The following ZNF469 variants were observed in gnomAD, a reference collection of about 807,000 sequenced individuals.
The protein encoded by ZNF469 is zinc finger protein 469.
A neutral mutation model predicts 1.0 loss-of-function variants in ZNF469; 1 was observed. The ratio of observed to expected loss-of-function variants is 1.00; its 90% CI spans 0.35 to 4.73. The LOEUF is 4.73. ZNF469 is among the 30% of genes most tolerant of loss of function. The pLI is 0.16. For missense variants in ZNF469, 6,100 were observed against 5,356.3 expected, an observed-to-expected ratio of 1.14 and a Z score of -4.33; for synonymous variants, 2,703 against 2,363.4, an observed-to-expected ratio of 1.14 and a Z score of -4.17.
the ZNF469 span, among the ~76,000 whole-genome samples, chr16:88,242,089 C>A: frequency 6.3e-3 from 962 of 152,302 alleles, 11 homozygotes; most frequent in African/African-American, 0.021. Flanking sequence ...CAACCCTGGA[C>A]GTCGCAGACA....
chr16:88,209,248 G>A, the ZNF469 span, among the ~76,000 whole-genome samples: 12 of 151,794 alleles, frequency 7.9e-5, no homozygotes, highest in South Asian at 6.3e-4. Flanking sequence ...CCGTCTCATC[G>A]GTCTCTGGGT....
chr16:88,105,462 G>A, the ZNF469 span, among the ~76,000 whole-genome samples: 1 of 152,014 alleles, frequency 6.6e-6, no homozygotes, highest in Admixed American at 6.5e-5. Flanking sequence ...CTGTGACCAC[G>A]CCCAGCTAAT....
the ZNF469 span, among the ~76,000 whole-genome samples, chr16:88,352,686 TAGC>T: frequency 1.3e-5 from 2 of 152,232 alleles, no homozygotes; most frequent in Non-Finnish European, 2.9e-5. Context: ...CCCTGGCTGG[TAGC>T]AGCCGTGGGG....
In ZNF469 at chr16:88,430,362, A is replaced by G. The variant is rs1179000611; in HGVS notation, c.2892A>G (p.Ala964=). The change falls in exon 3 of 3, where the codon GCA becomes GCG. Residue 964 remains alanine (A), a synonymous_variant. Coordinates refer to ENST00000565624, the MANE Select transcript of ZNF469 (RefSeq NM_001367624.2). ...FRKDLDSGGA[A]EGSGSGGGGR... Reference sequence around the variant, plus strand: ...AGGATCTGGACTCGGGCGGCGCAGCAGAGGGGTCGGGGTCGGGCGGCGGCG... The same window carrying G: ...AGGATCTGGACTCGGGCGGCGCAGCGGAGGGGTCGGGGTCGGGCGGCGGCG... 1 of 1,513,158 alleles carries G rather than the reference A, an allele frequency of 6.6e-7. No homozygotes were observed. The highest frequency in any genetic ancestry group is 1.4e-5 in the African/African-American group (1 of 72,308). 93.7% of individuals were successfully genotyped at this position (1,513,158 alleles called of 1,614,324 possible).
the ZNF469 span, among the ~76,000 whole-genome samples, chr16:88,346,369 T>C: frequency 2.6e-5 from 4 of 152,224 alleles, no homozygotes; most frequent in African/African-American, 7.2e-5. Context: ...CCCCGGCTCC[T>C]GGCAGAACTC....
the ZNF469 span, among the ~76,000 whole-genome samples, chr16:88,331,558 C>T: frequency 6.6e-6 from 1 of 151,504 alleles, no homozygotes. Flanking sequence ...CCACCATCGT[C>T]ATCACCATCA....
the ZNF469 span, among the ~76,000 whole-genome samples, chr16:88,292,805 A>AG: frequency 1.3e-4 from 19 of 151,524 alleles, no homozygotes; most frequent in African/African-American, 3.9e-4. Context: ...TATCAAAAAA[A>AG]AAAAAAAAAA....
chr16:88,429,586 C>A lies in ZNF469; in HGVS notation c.2116C>A (p.Pro706Thr). Residue 706 changes from proline (P) to threonine (T), a missense_variant, in exon 3 of 3, where the codon CCC (proline) becomes ACC (threonine). Physicochemically the swap from Pro to Thr is conservative, Grantham distance 38. Coordinates refer to ENST00000565624, the MANE Select transcript of ZNF469 (RefSeq NM_001367624.2). Reference protein sequence around the residue: ...EVGRGGLQGFPRAPPPYPTHH... With the variant: ...EVGRGGLQGFTRAPPPYPTHH... ...GGGTCGGGGAGGGCTGCAGGGCTTC[C>A]CCCGTGCGCCGCCTCCGTACCCCAC... 1 of 1,549,744 alleles carries A rather than the reference C, an allele frequency of 6.5e-7. No homozygotes were observed. Among genetic ancestry groups the A allele is most frequent in the African/African-American group, 1.4e-5 (1 of 73,162 alleles).
chr16:88,262,321 G>T, the ZNF469 span, among the ~76,000 whole-genome samples: 1 of 152,208 alleles, frequency 6.6e-6, no homozygotes, highest in Non-Finnish European at 1.5e-5. The surrounding 1 kb of genome is among the most constrained non-coding windows in gnomAD (Gnocchi z 4.3). Context: ...GAGCGAGAAG[G>T]CAGCCTGGCT....
At chr16:88,376,970 C>T in the ZNF469 span, among the ~76,000 whole-genome samples, 7 of 152,214 alleles carry the variant, frequency 4.6e-5, no homozygotes, top group East Asian at 1.9e-4. Flanking sequence ...CGGCTCTGCC[C>T]GCTCATGCCG....
At chr16:88,305,338 C>G in the ZNF469 span, among the ~76,000 whole-genome samples, 1 of 126,388 alleles carries the variant, frequency 7.9e-6, no homozygotes, top group Admixed American at 8.4e-5. Flanking sequence ...ACACGCACAC[C>G]CTCACACACA....
the ZNF469 span, among the ~76,000 whole-genome samples, chr16:88,317,017 G>A: frequency 6.6e-6 from 1 of 152,186 alleles, no homozygotes; most frequent in Non-Finnish European, 1.5e-5. Flanking sequence ...GCTGGAAGGG[G>A]CAATGCTCCA....
the ZNF469 span, among the ~76,000 whole-genome samples, chr16:88,324,449 T>A: frequency 6.6e-6 from 1 of 152,204 alleles, no homozygotes; most frequent in Non-Finnish European, 1.5e-5. Flanking sequence ...CAGGCCTCAG[T>A]GCTGTCCTCT....
chr16:88,344,287 CTTCAG>C, the ZNF469 span, among the ~76,000 whole-genome samples: 5 of 152,114 alleles, frequency 3.3e-5, no homozygotes, highest in Non-Finnish European at 5.9e-5. Context: ...AAAGCGTGGA[CTTCAG>C]TTCATACCAA....
the ZNF469 span, among the ~76,000 whole-genome samples, chr16:88,315,087 G>A: frequency 1.3e-5 from 2 of 152,240 alleles, no homozygotes; most frequent in African/African-American, 4.8e-5. Context: ...ATCTGACCTG[G>A]AGTTTTGAAT....
chr16:88,439,054 C>T lies in ZNF469; in HGVS notation c.11584C>T (p.Pro3862Ser), dbSNP rs1252975989. The T allele has an allele frequency of 1.9e-6, 3 of 1,550,584 alleles. No homozygotes were observed. The highest frequency in any genetic ancestry group is 8.7e-7 in the Non-Finnish European group (1 of 1,146,968). Reference protein sequence around the residue: ...ATPSRVLPTKPKPNSQNKPRP... With the variant: ...ATPSRVLPTKSKPNSQNKPRP... ...TCCCAGCCGCGTGCTCCCGACCAAG[C>T]CCAAGCCCAACAGCCAGAACAAACC... The change falls in exon 3 of 3, where the codon CCC (proline) becomes TCC (serine). Residue 3862 changes from proline (P) to serine (S), a missense_variant. Transcript: ENST00000565624.
the ZNF469 span, among the ~76,000 whole-genome samples, chr16:88,349,564 T>C: frequency 8.8e-6 from 1 of 113,740 alleles, no homozygotes; most frequent in African/African-American, 3.5e-5. Context: ...CACACCCAAG[T>C]GCACACACAC....
At position 88,430,639 on chromosome 16, in the gene ZNF469, CAGA is replaced by C. The variant is rs760578785; in HGVS notation, c.3174_3176del (p.Lys1058del). ...GGAGCTCATTCTGAAGATCGTGCAGCAGAAGAACAGGCGCCACCGGCGGCTGGG... is the reference window on the plus strand; with the variant it reads ...GGAGCTCATTCTGAAGATCGTGCAGCAGAACAGGCGCCACCGGCGGCTGGG... On this transcript the variant is annotated inframe_deletion, in exon 3 of 3. Transcript: ENST00000565624. The C allele has an allele frequency of 1.3e-5, 19 of 1,498,170 alleles. No homozygotes were observed. The highest frequency in any genetic ancestry group is 5.4e-5 in the East Asian group (2 of 36,932). 92.8% of individuals were successfully genotyped at this position (1,498,170 alleles called of 1,614,324 possible). A position where few individuals can be genotyped will look rare whatever the true frequency, so the allele number is the denominator to read the frequency against.
At chr16:88,326,583 C>A in the ZNF469 span, among the ~76,000 whole-genome samples, 1 of 152,180 alleles carries the variant, frequency 6.6e-6, no homozygotes, top group African/African-American at 2.4e-5. Context: ...GGCAGGACAC[C>A]GCATGTTTCC....
Sources: gnomAD v4.1 joint callset for allele counts (sites outside exome capture counted in the v4.1 genomes callset) on GRCh38, gnomAD v4.1.1 for gene constraint, Gnocchi (gnomAD v3.1) non-coding constraint, MANE v1.5 for transcripts, NCBI Gene and HGNC (gene_info 2026-07-23, HGNC 2026-07-21) for gene names.